The following KIF21B variants were observed in gnomAD, a reference collection of about 807,000 sequenced individuals.
The protein encoded by KIF21B is kinesin-like protein KIF21B.
Under a neutral mutation model 192.9 loss-of-function variants are expected in KIF21B, and 85 were observed. That is an observed-to-expected ratio of 0.44 (90% CI 0.37 to 0.53). The LOEUF (loss-of-function observed/expected upper bound fraction) is 0.53, where lower values mean the gene tolerates loss of function less well. KIF21B is among the 20% of genes least tolerant of loss of function. The pLI is 0.00. For synonymous variants in KIF21B, 832 were observed against 884.6 expected, an observed-to-expected ratio of 0.94 and a Z score of 1.05; for missense variants, 1,716 against 2,194.8, an observed-to-expected ratio of 0.78 and a Z score of 4.36.
intron 15 of KIF21B, among the ~76,000 whole-genome samples, chr1:200,992,837 A>G (rs1656793373): frequency 1.3e-5 from 2 of 152,250 alleles, no homozygotes; most frequent in Admixed American, 6.5e-5. Flanking sequence ...TCACAGTGAC[A>G]GCAATAAAAA....
rs374939090 is a variant in KIF21B at position 200,991,199 on chromosome 1, G to A, written c.2455-50C>T. Reference sequence around the variant, plus strand: ...GAGCCGGTGAGCAGGGTGGCCTGGAGCCACACAGAAGGGCCCAGGTTGGGG... The same window carrying A: ...GAGCCGGTGAGCAGGGTGGCCTGGAACCACACAGAAGGGCCCAGGTTGGGG... On this transcript the variant is annotated intron_variant, in intron 17 of 34. Coordinates refer to ENST00000461742, the MANE Select transcript of KIF21B (RefSeq NM_001252102.2). 161 of 1,502,180 alleles carry A rather than the reference G, an allele frequency of 1.1e-4. No individual in the cohort carries two copies. In the African/African-American group the frequency reaches 2.1e-3, roughly 19 times the overall value. The allele number at this position is 1,502,180 out of a possible 1,614,324, so 93.1% of individuals were successfully genotyped here. A position where few individuals can be genotyped will look rare whatever the true frequency, so the allele number is the denominator to read the frequency against.
chr1:200,987,610 C>T (rs2102404054), intron 24 of KIF21B, among the ~76,000 whole-genome samples: 1 of 152,166 alleles, frequency 6.6e-6, no homozygotes, highest in East Asian at 1.9e-4. Context: ...GATGGAAGGA[C>T]CCAGACAGAC....
At position 201,003,785 on chromosome 1, in the gene KIF21B, G is replaced by A. The variant is rs1657642829; in HGVS notation, c.1017-4C>T. 1.2e-6 allele frequency: 2 copies of A among 1,614,132 alleles called. No homozygotes were observed. Among genetic ancestry groups the A allele is most frequent in the East Asian group, 4.5e-5 (2 of 44,880 alleles). ...ACAGGCGATCATGATGGTCTGGCTG[G>A]GGGTGCAGAAAGGCTGTTGTGAGGG... On this transcript the variant is annotated splice_polypyrimidine_tract_variant and splice_region_variant and intron_variant, in intron 7 of 34. Coordinates refer to ENST00000461742, the MANE Select transcript of KIF21B (RefSeq NM_001252102.2).
intron 16 of KIF21B, 148 bp downstream of exon 16, chr1:200,992,134 C>T: frequency 1.5e-6 from 1 of 665,270 alleles, no homozygotes; most frequent in Non-Finnish European, 2.6e-6. Context: ...CTTGCTCTGA[C>T]AGGCTGTACT....
rs755974731 is a variant in KIF21B at position 200,998,411 on chromosome 1, C to G, written c.2050G>C (p.Glu684Gln). 6.2e-7 allele frequency: 1 copy of G among 1,613,842 alleles called. No homozygotes were observed. Among genetic ancestry groups the G allele is most frequent in the Non-Finnish European group, 8.5e-7 (1 of 1,179,988 alleles). The stretch of plus-strand genomic sequence containing the variant: ...AGGTTCTGCAGCACACGGTCGCGCT[C>G]CAGCTGTGTGTCTCGGATCTTGTTC... ...LQNKIRDTQL[E>Q]RDRVLQNLST... Residue 684 changes from glutamate to glutamine, a missense_variant, in exon 14 of 35, where the codon GAG becomes CAG. Around this residue, in one of 3 missense-constraint regions of KIF21B, gnomAD observed 1,087 missense variants for 1,316.6 expected, o/e 0.83. Coordinates refer to ENST00000461742, the MANE Select transcript of KIF21B (RefSeq NM_001252102.2). This position sits in a 1 kb window ranked among gnomAD's most constrained non-coding sequence, Gnocchi z 4.3.
At chr1:201,020,826 C>CAA (rs1257845509) in intron 1 of KIF21B, among the ~76,000 whole-genome samples, 1 of 151,894 alleles carries the variant, frequency 6.6e-6, no homozygotes, top group Admixed American at 6.6e-5. Context: ...CACACACACA[C>CAA]ACACACACAC....
At position 201,000,486 on chromosome 1, in the gene KIF21B, G is replaced by T. The variant is rs1316737348; in HGVS notation, c.1589C>A (p.Pro530His). ...SPAAPAFGGS[P>H]ASSMEDASEV... ...CGAGGCATCCTCCATGGAGCTGGCA[G>T]GGCTGCCCCCGAAGGCCGGGGCGGC... is the stretch of plus-strand genomic sequence containing the variant. Residue 530 changes from proline (P) to histidine (H), a missense_variant, in exon 11 of 35, where the codon CCT becomes CAT. Around this residue, in one of 3 missense-constraint regions of KIF21B, gnomAD observed 1,087 missense variants for 1,316.6 expected, o/e 0.83. Coordinates refer to ENST00000461742, the MANE Select transcript of KIF21B (RefSeq NM_001252102.2). The surrounding 1 kb of genome is among the most constrained non-coding windows in gnomAD (Gnocchi z 6.0). 3 of 1,607,906 alleles carry T rather than the reference G, an allele frequency of 1.9e-6. No homozygotes were observed. The South Asian group carries it at 3.3e-5, about 18-fold the overall frequency.
In KIF21B at chr1:200,990,346, G is replaced by A. The variant is rs1166194466; in HGVS notation, c.2836-14C>T. 1 of 1,592,360 alleles carries A rather than the reference G, an allele frequency of 6.3e-7. No homozygotes were observed. Among genetic ancestry groups the A allele is most frequent in the Non-Finnish European group, 8.5e-7 (1 of 1,169,958 alleles). On this transcript the variant is annotated splice_polypyrimidine_tract_variant and intron_variant, in intron 19 of 34. Transcript: ENST00000461742. This position sits in a 1 kb window ranked among gnomAD's most constrained non-coding sequence, Gnocchi z 5.4. Reference sequence around the variant, plus strand: ...CTCCTCCCTTTTCTGGGGTCAGAGGGGAGGGTGGTGATTGTGATGAAGGAG... The same window carrying A: ...CTCCTCCCTTTTCTGGGGTCAGAGGAGAGGGTGGTGATTGTGATGAAGGAG...
At chr1:200,979,065 A>C (rs1029320276) in intron 30 of KIF21B, among the ~76,000 whole-genome samples, 2 of 151,840 alleles carry the variant, frequency 1.3e-5, no homozygotes, top group Non-Finnish European at 1.5e-5. Flanking sequence ...GACTTCTGCT[A>C]AAAAAAACCA....
intron 22 of KIF21B, 65 bp downstream of exon 22, chr1:200,988,701 G>A: frequency 6.4e-7 from 1 of 1,554,016 alleles, no homozygotes; most frequent in Non-Finnish European, 8.7e-7. Flanking sequence ...GGCCTTGTGG[G>A]GGTCTGAGCC....
intron 15 of KIF21B, among the ~76,000 whole-genome samples, chr1:200,992,894 A>T (rs2102416805): frequency 6.6e-6 from 1 of 152,342 alleles, no homozygotes; most frequent in Non-Finnish European, 1.5e-5. Flanking sequence ...CACCCTCCTC[A>T]TGACAATCAT....
chr1:200,993,469 C>T (rs1507144), intron 15 of KIF21B, among the ~76,000 whole-genome samples: 44,571 of 152,052 alleles, frequency 0.29, 8,085 homozygotes, highest in African/African-American at 0.5. Context: ...AGGCCGAGCG[C>T]GGTGGCTCAC....
Position 200,982,889 on chromosome 1 carries a change from C to T in KIF21B, c.3842+167G>A, listed in dbSNP as rs913218439. Among the ~76,000 whole-genome samples the T allele has an allele frequency of 3.3e-5, 5 of 152,104 alleles. No homozygotes were observed. Among genetic ancestry groups the T allele is most frequent in the Non-Finnish European group, 7.4e-5 (5 of 68,012 alleles). ...TGTGGCCACCCTGAGAGAGAGGAAC[C>T]ATGGGGGCAGGAACAGGTCTGGAGA... On this transcript the variant is annotated intron_variant, in intron 28 of 34. Coordinates refer to ENST00000461742, the MANE Select transcript of KIF21B (RefSeq NM_001252102.2). This position sits in a 1 kb window ranked among gnomAD's most constrained non-coding sequence, Gnocchi z 4.7.
At chr1:200,974,973 C>G in intron 33 of KIF21B, 60 bp from the exon 34 acceptor site, 1 of 1,543,784 alleles carries the variant, frequency 6.5e-7, no homozygotes, top group South Asian at 1.1e-5. Flanking sequence ...GAACCTGCCC[C>G]AGGGCCCCTC....
intron 3 of KIF21B, 78 bp downstream of exon 3, chr1:201,008,691 C>T (rs1658054085): frequency 7.5e-7 from 1 of 1,333,298 alleles, no homozygotes; most frequent in Non-Finnish European, 1.0e-6. Flanking sequence ...CATTCCACTG[C>T]ACTGGAGGAA....
chr1:200,978,376 A>T (rs1273469164), intron 30 of KIF21B, among the ~76,000 whole-genome samples: 4 of 142,694 alleles, frequency 2.8e-5, no homozygotes, highest in African/African-American at 1.0e-4. Flanking sequence ...TTAAGACTTT[A>T]TTTTTTTTTT....
intron 1 of KIF21B, among the ~76,000 whole-genome samples, chr1:201,011,669 G>A (rs1048744324): frequency 3.9e-5 from 6 of 152,186 alleles, no homozygotes; most frequent in Non-Finnish European, 5.9e-5. Flanking sequence ...GGGACCCAAG[G>A]CTAAGCACTT....
At position 200,975,589 on chromosome 1, in the gene KIF21B, C is replaced by T; in HGVS notation, c.4524G>A (p.Glu1508=). The T allele has an allele frequency of 6.2e-7, 1 of 1,614,090 alleles. No individual in the cohort carries two copies. The highest frequency in any genetic ancestry group is 8.5e-7 in the Non-Finnish European group (1 of 1,179,942). ...NFEPPHYDGI[E]CLAIQGDILF... ...GGATGTCTCCCTGGATGGCGAGACACTCGATGCCATCGTAGTGCGGGGGCT... is the reference window on the plus strand; with the variant it reads ...GGATGTCTCCCTGGATGGCGAGACATTCGATGCCATCGTAGTGCGGGGGCT... The change falls in exon 33 of 35, where the codon GAG becomes GAA. Residue 1508 remains glutamate (E), a synonymous_variant. Transcript: ENST00000461742. This position sits in a 1 kb window ranked among gnomAD's most constrained non-coding sequence, Gnocchi z 4.3.
At position 201,017,864 on chromosome 1, in the gene KIF21B, C is replaced by T. The variant is rs915197424; in HGVS notation, c.41+5479G>A. Among the ~76,000 whole-genome samples, 5 of 152,208 alleles carry T rather than the reference C, an allele frequency of 3.3e-5. No homozygotes were observed. The highest frequency in any genetic ancestry group is 1.2e-4 in the African/African-American group (5 of 41,444). On this transcript the variant is annotated intron_variant, in intron 1 of 34. Transcript: ENST00000461742. This position sits in a 1 kb window ranked among gnomAD's most constrained non-coding sequence, Gnocchi z 4.1. ...TGGCAGCATGACCTCCTTTCCACAC[C>T]CCAGAGCAGCTGGAGGTGAAAGAGA...
Sources: allele counts gnomAD v4.1 joint callset (sites outside exome capture counted in the v4.1 genomes callset), GRCh38; gene constraint gnomAD v4.1.1; regional missense constraint gnomAD v4.1.1; non-coding constraint Gnocchi (gnomAD v3.1); transcripts MANE v1.5; gene names NCBI Gene and HGNC (gene_info 2026-07-23, HGNC 2026-07-21).